The following NAALADL2 variants were observed in gnomAD, a reference collection of about 807,000 sequenced individuals.
The protein encoded by NAALADL2 is N-acetylated alpha-linked acidic dipeptidase like 2.
In NAALADL2, 76 loss-of-function variants were observed where a neutral mutation model predicts 87.2. That is an observed-to-expected ratio of 0.87 (90% CI 0.72 to 1.05). The LOEUF is 1.05. NAALADL2 is among the 50% of genes least tolerant of loss of function. NAALADL2 has a pLI of 0.00. For missense variants in NAALADL2, 1,089 were observed against 945.8 expected, an observed-to-expected ratio of 1.15 and a Z score of -1.99; for synonymous variants, 354 against 331.0, an observed-to-expected ratio of 1.07 and a Z score of -0.75.
chr3:175,755,180 A>T (rs1425007022), intron 12 of NAALADL2, 40 bp from the exon 13 acceptor site: 3 of 1,560,876 alleles, frequency 1.9e-6, no homozygotes. Flanking sequence ...TGCTCCCTTG[A>T]GAATGTCTCT....
chr3:175,788,923 CT>C (rs1752442457), intron 13 of NAALADL2, among the ~76,000 whole-genome samples: 1 of 152,086 alleles, frequency 6.6e-6, no homozygotes, highest in Non-Finnish European at 1.5e-5. Flanking sequence ...TCTCCAACAT[CT>C]CTAAATTATC....
chr3:175,339,821 A>G (rs1371253917), intron 5 of NAALADL2, among the ~76,000 whole-genome samples: 1 of 145,646 alleles, frequency 6.9e-6, no homozygotes, highest in Non-Finnish European at 1.5e-5. Context: ...TAAAAGAAGT[A>G]AAATATAATT....
At position 174,835,748 on chromosome 3, in the gene NAALADL2, A is replaced by G. The variant is rs577860960; in HGVS notation, c.-9+98002A>G. Among the ~76,000 whole-genome samples, 138 of 152,326 alleles carry G rather than the reference A, an allele frequency of 9.1e-4. 2 individuals are homozygous for G. In the South Asian group the frequency reaches 0.027, roughly 30 times the overall value. On this transcript the variant is annotated intron_variant, in intron 3 of 3. Coordinates refer to the NAALADL2 transcript ENST00000434257. The stretch of plus-strand genomic sequence containing the variant: ...ATACAAATGACCAACAAGCATGTGA[A>G]AAGATACTCAACATCCCTAATAATT...
chr3:174,572,070 C>G (rs1037200612), intron 2 of NAALADL2, among the ~76,000 whole-genome samples: 5 of 152,144 alleles, frequency 3.3e-5, no homozygotes, highest in African/African-American at 1.2e-4. Flanking sequence ...GCCAAATTCA[C>G]TAGTGAACAT....
intron 3 of NAALADL2, among the ~76,000 whole-genome samples, chr3:174,832,971 A>C (rs1373235764): frequency 6.6e-6 from 1 of 152,146 alleles, no homozygotes; most frequent in African/African-American, 2.4e-5. Flanking sequence ...ACCTACAGCT[A>C]TGACTATGTT....
chr3:175,554,092 A>T (rs1043444985), intron 9 of NAALADL2, among the ~76,000 whole-genome samples: 1 of 152,158 alleles, frequency 6.6e-6, no homozygotes, highest in African/African-American at 2.4e-5. Context: ...ATTCAAATTA[A>T]TAGTGGAAGG....
chr3:175,194,783 A>AT (rs1339914547), intron 2 of NAALADL2, among the ~76,000 whole-genome samples: 4 of 151,658 alleles, frequency 2.6e-5, no homozygotes, highest in African/African-American at 7.2e-5. Flanking sequence ...AGTTATTAAG[A>AT]TTTTTTTCTA....
At chr3:175,368,441 C>T (rs146738437) in intron 5 of NAALADL2, among the ~76,000 whole-genome samples, 3,719 of 152,154 alleles carry the variant, frequency 0.024, 158 homozygotes, top group African/African-American at 0.086. Context: ...GTACCAGTTC[C>T]TCCTTGTACC....
intron 2 of NAALADL2, among the ~76,000 whole-genome samples, chr3:175,156,311 AAT>A (rs77549599): frequency 0.36 from 54,788 of 151,696 alleles, 11,222 homozygotes; most frequent in East Asian, 0.56. Context: ...TTCTCAGACA[AAT>A]CTTTAGATAA....
At chr3:175,643,573 A>G (rs1729580236) in intron 11 of NAALADL2, among the ~76,000 whole-genome samples, 1 of 152,158 alleles carries the variant, frequency 6.6e-6, no homozygotes, top group Admixed American at 6.5e-5. Context: ...CTGGATTTAT[A>G]TAGGATTTGG....
Position 174,531,982 on chromosome 3 carries a change from T to C in NAALADL2, c.-183-18587T>C, listed in dbSNP as rs557595600. 2.0e-5 allele frequency among the ~76,000 whole-genome samples: 3 copies of C among 152,314 alleles called. No homozygotes were observed. The South Asian group carries it at 6.2e-4, about 32-fold the overall frequency. On this transcript the variant is annotated intron_variant, in intron 1 of 3. Transcript: ENST00000434257. ...CTAGATTTATTTAAATCAGTATTGA[T>C]TTAGACTAATGAAATAAAATATCTG...
chr3:175,053,475 C>T (rs1755679732), intron 1 of NAALADL2, among the ~76,000 whole-genome samples: 1 of 152,158 alleles, frequency 6.6e-6, no homozygotes, highest in African/African-American at 2.4e-5. Flanking sequence ...CTCAGCATGG[C>T]TGCAACCAGG....
intron 2 of NAALADL2, among the ~76,000 whole-genome samples, chr3:175,109,846 C>T (rs147567604): frequency 5.9e-5 from 9 of 151,898 alleles, no homozygotes; most frequent in East Asian, 3.9e-4. Flanking sequence ...CGAACCCACT[C>T]GTAAAGAGCA....
At chr3:175,617,715 C>T (rs1347959318) in intron 10 of NAALADL2, among the ~76,000 whole-genome samples, 1 of 152,160 alleles carries the variant, frequency 6.6e-6, no homozygotes, top group Non-Finnish European at 1.5e-5. Context: ...TATCAAGGGC[C>T]ACCTGAGTAA....
intron 11 of NAALADL2, among the ~76,000 whole-genome samples, chr3:175,662,587 T>C (rs1732416311): frequency 6.6e-6 from 1 of 151,978 alleles, no homozygotes; most frequent in Non-Finnish European, 1.5e-5. Context: ...GAAAAGGCTT[T>C]CATTTTTTTC....
intron 9 of NAALADL2, among the ~76,000 whole-genome samples, chr3:175,513,579 T>C (rs891128558): frequency 6.6e-6 from 1 of 152,166 alleles, no homozygotes; most frequent in Non-Finnish European, 1.5e-5. Context: ...AAAAAGTAAT[T>C]GATGAATATA....
intron 9 of NAALADL2, among the ~76,000 whole-genome samples, chr3:175,486,081 T>C (rs1407342626): frequency 6.7e-6 from 1 of 150,354 alleles, no homozygotes; most frequent in South Asian, 2.1e-4. Context: ...TATTCTATTA[T>C]AGCAGCCTGA....
intron 11 of NAALADL2, among the ~76,000 whole-genome samples, chr3:175,712,116 A>T (rs1740616612): frequency 6.6e-6 from 1 of 151,994 alleles, no homozygotes; most frequent in South Asian, 2.1e-4. Context: ...GATAAATATT[A>T]AAATGTGTTA....
At chr3:174,479,552 G>T (rs1013539851) in intron 1 of NAALADL2, among the ~76,000 whole-genome samples, 2 of 152,054 alleles carry the variant, frequency 1.3e-5, no homozygotes, top group African/African-American at 4.8e-5. Flanking sequence ...TGAGGGGCAG[G>T]CGGGTGCAGG....
Sources: allele counts gnomAD v4.1 joint callset (sites outside exome capture counted in the v4.1 genomes callset), GRCh38; gene constraint gnomAD v4.1.1; transcripts MANE v1.5; gene names NCBI Gene and HGNC (gene_info 2026-07-23, HGNC 2026-07-21).